MAX: variants seen among roughly 807,000 people sequenced by gnomAD.
MAX encodes MYC associated transcriptional regulator X.
In MAX, 3 loss-of-function variants were observed where a neutral mutation model predicts 22.3. The ratio of observed to expected loss-of-function variants is 0.13; its 90% CI spans 0.06 to 0.35. The LOEUF is 0.35. Ranked by LOEUF, MAX falls within the 10% of genes least tolerant of loss-of-function variation. The pLI is 1.00. For synonymous variants in MAX, 72 were observed against 77.7 expected (o/e 0.93, Z 0.39); for missense variants, 119 against 209.4 (o/e 0.57, Z 2.66).
In MAX at chr14:65,040,259, G is replaced by GTGTGTATA. The variant is rs1566565279; in HGVS notation, c.172-33976_172-33975insTATACACA. ...TTGATGGTTATCACTATATATATAT[G>GTGTGTATA]TATATATATGTATATATATGTGTGT... On this transcript the variant is annotated intron_variant, in intron 3 of 3. Coordinates refer to the MAX transcript ENST00000341653. 2.1e-5 allele frequency among the ~76,000 whole-genome samples: 3 copies of GTGTGTATA among 144,988 alleles called. No homozygotes were observed. In the East Asian group the frequency reaches 7.4e-4, roughly 36 times the overall value.
Position 65,035,625 on chromosome 14 carries a change from G to C in MAX, c.172-29341C>G, listed in dbSNP as rs1015061982. ...GCTCGCTGCAGCCACCACCTCCTGG[G>C]CTCAAGCAATCCTCCCATCTCAACC... On this transcript the variant is annotated intron_variant, in intron 3 of 3. Coordinates refer to the MAX transcript ENST00000341653. 2.6e-5 allele frequency among the ~76,000 whole-genome samples: 4 copies of C among 152,062 alleles called. No individual in the cohort carries two copies. In the East Asian group the frequency reaches 7.7e-4, roughly 29 times the overall value.
intron 3 of MAX, among the ~76,000 whole-genome samples, chr14:65,050,592 A>G (rs1260843586): frequency 6.6e-6 from 1 of 152,178 alleles, no homozygotes; most frequent in Non-Finnish European, 1.5e-5. Flanking sequence ...TAGCATCTCA[A>G]CAACAACAAC....
chr14:65,091,050 C>T (rs2063492482), intron 3 of MAX, among the ~76,000 whole-genome samples: 2 of 152,268 alleles, frequency 1.3e-5, no homozygotes, highest in South Asian at 4.1e-4. Flanking sequence ...TCAAAGGAGA[C>T]TGGAACACAG....
chr14:65,087,476 G>T (rs2063370396), intron 3 of MAX, among the ~76,000 whole-genome samples: 1 of 152,204 alleles, frequency 6.6e-6, no homozygotes, highest in Admixed American at 6.5e-5. Context: ...CCCACCTTTT[G>T]TATCAGCATG....
At position 65,019,869 on chromosome 14, in the gene MAX, A is replaced by G. The variant is rs3783717; in HGVS notation, c.172-13585T>C. Among the ~76,000 whole-genome samples the G allele has an allele frequency of 6.5e-3, 984 of 152,358 alleles. 16 individuals carry two copies. Among genetic ancestry groups the G allele is most frequent in the South Asian group, 0.044 (210 of 4,826 alleles). On this transcript the variant is annotated intron_variant, in intron 3 of 3. Coordinates refer to the MAX transcript ENST00000341653. ...ATACAGATAAATCTTAAGGACTTCT[A>G]TATAAATAGAAGATTTTTTTTAGAC...
Position 65,047,018 on chromosome 14 carries a change from G to GA in MAX, c.172-40735dup, listed in dbSNP as rs1354092052. Reference sequence around the variant, plus strand: ...GATGAATGGCTAATTTCTTTAATTTGAAAAAAAATCATACAAACCAGTAAG... The same window carrying GA: ...GATGAATGGCTAATTTCTTTAATTTGAAAAAAAAATCATACAAACCAGTAAG... On this transcript the variant is annotated intron_variant, in intron 3 of 3. Transcript: ENST00000341653. The surrounding 1 kb of genome is among the most constrained non-coding windows in gnomAD (Gnocchi z 5.2). 1.3e-5 allele frequency among the ~76,000 whole-genome samples: 2 copies of GA among 151,820 alleles called. No individual in the cohort carries two copies. The highest frequency in any genetic ancestry group is 4.8e-5 in the African/African-American group (2 of 41,324).
intron 3 of MAX, among the ~76,000 whole-genome samples, chr14:65,046,974 A>G (rs940136043): frequency 6.6e-6 from 1 of 152,214 alleles, no homozygotes; most frequent in Admixed American, 6.5e-5. Context: ...AAAAGGTGCG[A>G]AAAATATTTA....
In MAX at chr14:65,079,545, C is replaced by T. The variant is rs1027405951; in HGVS notation, c.172-1509G>A. Among the ~76,000 whole-genome samples, 4 of 152,216 alleles carry T rather than the reference C, an allele frequency of 2.6e-5. No homozygotes were observed. Among genetic ancestry groups the T allele is most frequent in the East Asian group, 1.9e-4 (1 of 5,192 alleles). ...GTACAAAGCCAAGCGAAGCTCAAGG[C>T]GGGGTAGCCTAGTAGCTTAAGTATG... On this transcript the variant is annotated intron_variant, in intron 3 of 4. Coordinates refer to ENST00000358664, the MANE Select transcript of MAX (RefSeq NM_002382.5). This position sits in a 1 kb window ranked among gnomAD's most constrained non-coding sequence, Gnocchi z 4.5.
At position 65,079,911 on chromosome 14, in the gene MAX, T is replaced by C. The variant is rs2063159902; in HGVS notation, c.172-1875A>G. ...AGGAAATTGTTCATAATCAACCATT[T>C]TTATCAGGTGCAAATTACGTACAAG... On this transcript the variant is annotated intron_variant, in intron 3 of 4. Coordinates refer to ENST00000358664, the MANE Select transcript of MAX (RefSeq NM_002382.5). This position sits in a 1 kb window ranked among gnomAD's most constrained non-coding sequence, Gnocchi z 4.5. 6.6e-6 allele frequency among the ~76,000 whole-genome samples: 1 copy of C among 152,224 alleles called. No individual in the cohort carries two copies. The highest frequency in any genetic ancestry group is 2.4e-5 in the African/African-American group (1 of 41,460).
At chr14:65,090,742 C>T (rs1420111256) in intron 3 of MAX, 3 of 152,116 alleles carry the variant, frequency 2.0e-5, no homozygotes, top group South Asian at 2.1e-4. Context: ...TGGGTTCAAG[C>T]GATCCACCTG....
chr14:65,063,577 A>G (rs755714589), intron 3 of MAX, among the ~76,000 whole-genome samples: 1 of 152,152 alleles, frequency 6.6e-6, no homozygotes, highest in Non-Finnish European at 1.5e-5. Context: ...CTATTCACTC[A>G]TTTGAGATAG....
rs57358862 is a variant in MAX, at chr14:65,080,790, A to T, written c.172-2754T>A. On this transcript the variant is annotated intron_variant, in intron 3 of 4. Coordinates refer to ENST00000358664, the MANE Select transcript of MAX (RefSeq NM_002382.5). Reference sequence around the variant, plus strand: ...CATGTGCATCCGGGACAAGGGAAAAAATGCACAATCTCTGAAACCAGAGAG... The same window carrying T: ...CATGTGCATCCGGGACAAGGGAAAATATGCACAATCTCTGAAACCAGAGAG... Among the ~76,000 whole-genome samples, 1,025 of 152,316 alleles carry T rather than the reference A, an allele frequency of 6.7e-3. 11 individuals carry two copies. Among genetic ancestry groups the T allele is most frequent in the African/African-American group, 0.023 (973 of 41,574 alleles).
At chr14:65,081,998 G>A (rs986188400) in intron 3 of MAX, 1 of 152,212 alleles carries the variant, frequency 6.6e-6, no homozygotes, top group African/African-American at 2.4e-5. Flanking sequence ...ATGATGATGG[G>A]GGTGGTAACA....
rs140726272 is a variant in MAX, at chr14:65,009,547, C to T, written c.172-3263G>A. Among the ~76,000 whole-genome samples, 364 of 152,230 alleles carry T rather than the reference C, an allele frequency of 2.4e-3. 2 individuals are homozygous for T. Among genetic ancestry groups the T allele is most frequent in the African/African-American group, 8.3e-3 (344 of 41,524 alleles). ...CGCTAGCTTCGTACCCATCATTTCT[C>T]GCTCAAAGAATGCAGCATCCTTCCT... On this transcript the variant is annotated intron_variant, in intron 3 of 3. Coordinates refer to the MAX transcript ENST00000341653. The surrounding 1 kb of genome is among the most constrained non-coding windows in gnomAD (Gnocchi z 4.2).
At chr14:65,013,337 T>TTC (rs1555390991) in intron 3 of MAX, among the ~76,000 whole-genome samples, 3 of 151,516 alleles carry the variant, frequency 2.0e-5, no homozygotes, top group African/African-American at 4.9e-5. Context: ...TTTTTTTTTT[T>TTC]CTTCCTCCAA....
chr14:65,054,473 G>GC lies in MAX; in HGVS notation c.171+39234_171+39235insG, dbSNP rs1430481670. On this transcript the variant is annotated intron_variant, in intron 3 of 3. Transcript: ENST00000341653. This position sits in a 1 kb window ranked among gnomAD's most constrained non-coding sequence, Gnocchi z 4.4. ...TCCTCTAGCCACATGGAGGATGGGG[G>GC]GGGACGTGTGATTGCACCAGTGGTC... The GC allele has an allele frequency of 8.5e-7, 1 of 1,175,866 alleles. No homozygotes were observed. Among genetic ancestry groups the GC allele is most frequent in the Non-Finnish European group, 1.2e-6 (1 of 825,420 alleles). The allele number at this position is 1,175,866 out of a possible 1,614,324, so 72.8% of individuals were successfully genotyped here. A position where few individuals can be genotyped will look rare whatever the true frequency, so the allele number is the denominator to read the frequency against.
chr14:65,006,488 C>G (rs974992214), intron 3 of MAX, among the ~76,000 whole-genome samples: 1 of 152,152 alleles, frequency 6.6e-6, no homozygotes, highest in African/African-American at 2.4e-5. Context: ...GTAATGGTAT[C>G]CTTGGCAGTT....
intron 3 of MAX, among the ~76,000 whole-genome samples, chr14:65,087,630 T>C (rs1261490051): frequency 6.6e-6 from 1 of 152,226 alleles, no homozygotes; most frequent in Non-Finnish European, 1.5e-5. Flanking sequence ...GTTTATCCAA[T>C]GCCTGTACCC....
chr14:65,027,921 C>T lies in MAX; in HGVS notation c.172-21637G>A, dbSNP rs759569768. On this transcript the variant is annotated intron_variant, in intron 3 of 3. Coordinates refer to the MAX transcript ENST00000341653. This position sits in a 1 kb window ranked among gnomAD's most constrained non-coding sequence, Gnocchi z 5.7. ...CACATGGGATGACATGTCAGTGACA[C>T]GTCAGAATCATTCAGATGTGATGCA... 1.1e-4 allele frequency: 112 copies of T among 1,061,472 alleles called. No homozygotes were observed. The highest frequency in any genetic ancestry group is 1.4e-4 in the Non-Finnish European group (105 of 725,694). 65.8% of individuals were successfully genotyped at this position (1,061,472 alleles called of 1,614,324 possible).
Sources: allele counts gnomAD v4.1 joint callset (sites outside exome capture counted in the v4.1 genomes callset), GRCh38; gene constraint gnomAD v4.1.1; non-coding constraint Gnocchi (gnomAD v3.1); transcripts MANE v1.5; gene names NCBI Gene and HGNC (gene_info 2026-07-23, HGNC 2026-07-21).